Variants in LRRC7 observed in about 807,000 individuals in gnomAD.
LRRC7 encodes leucine-rich repeat-containing protein 7.
In LRRC7, 23 loss-of-function variants were observed where a neutral mutation model predicts 175.7. The observed-to-expected ratio is 0.13, with a 90% CI of 0.09 to 0.19. The LOEUF is 0.19. Among genes scored for constraint, LRRC7 ranks in the 10% least tolerant of loss-of-function variants. LRRC7 has a pLI of 1.00. For missense variants in LRRC7, 1,354 were observed against 1,904.7 expected, an observed-to-expected ratio of 0.71 and a Z score of 5.38; for synonymous variants, 685 against 680.9, an observed-to-expected ratio of 1.01 and a Z score of -0.09.
At chr1:69,835,885 ACT>A (rs10537069) in intron 6 of LRRC7, among the ~76,000 whole-genome samples, 2,898 of 151,992 alleles carry the variant, frequency 0.019, 88 homozygotes, top group African/African-American at 0.067. Context: ...TATGAATATG[ACT>A]CTGTAAGAAA....
intron 7 of LRRC7, among the ~76,000 whole-genome samples, chr1:69,863,902 G>T (rs1485659265): frequency 4.6e-5 from 7 of 152,042 alleles, no homozygotes; most frequent in African/African-American, 1.7e-4. Flanking sequence ...CACTCCTTAA[G>T]ATAATGGCCC....
chr1:70,047,839 C>G (rs766739432), intron 22 of LRRC7, among the ~76,000 whole-genome samples: 2 of 151,700 alleles, frequency 1.3e-5, no homozygotes, highest in Non-Finnish European at 2.9e-5. Context: ...ATTTAATTTC[C>G]TTAATATATT....
At chr1:69,627,606 T>C (rs1651808201) in intron 1 of LRRC7, among the ~76,000 whole-genome samples, 1 of 152,142 alleles carries the variant, frequency 6.6e-6, no homozygotes, top group Non-Finnish European at 1.5e-5. Context: ...ATTTTGACTT[T>C]TTTTGCCATT....
intron 8 of LRRC7, among the ~76,000 whole-genome samples, chr1:69,943,739 A>G (rs1206627312): frequency 1.3e-5 from 2 of 152,066 alleles, no homozygotes; most frequent in Non-Finnish European, 1.5e-5. Context: ...TTTAAAGCTT[A>G]AGCTTCATTA....
intron 8 of LRRC7, among the ~76,000 whole-genome samples, chr1:69,936,070 A>G (rs1046922297): frequency 4.6e-5 from 7 of 152,136 alleles, no homozygotes; most frequent in African/African-American, 1.7e-4. Flanking sequence ...TTCCACATGG[A>G]TATGAGTATC....
At position 70,141,368 on chromosome 1, in the gene LRRC7, T is replaced by G. The variant is rs777969356; in HGVS notation, c.*19481T>G. 1 of 152,146 alleles carries G rather than the reference T, an allele frequency of 6.6e-6. No individual in the cohort carries two copies. The highest frequency in any genetic ancestry group is 6.6e-5 in the Admixed American group (1 of 15,262). The allele number at this position is 152,146 out of a possible 1,614,324, so 9.4% of individuals were successfully genotyped here. ...TTGGCCCAACTCTGTCTACAAATAC[T>G]TTTGCAAATAATGTTTCTCTTAATA... is the stretch of plus-strand genomic sequence containing the variant. On this transcript the variant is annotated 3_prime_UTR_variant, in exon 27 of 27. Coordinates refer to ENST00000651989, the MANE Select transcript of LRRC7 (RefSeq NM_001370785.2).
intron 7 of LRRC7, among the ~76,000 whole-genome samples, chr1:69,924,020 T>G (rs1646976598): frequency 6.6e-6 from 1 of 152,174 alleles, no homozygotes; most frequent in Admixed American, 6.5e-5. Flanking sequence ...TTTCTACATA[T>G]GGCTAGCCAG....
intron 7 of LRRC7, among the ~76,000 whole-genome samples, chr1:69,931,005 C>G (rs1647318787): frequency 6.6e-6 from 1 of 152,146 alleles, no homozygotes; most frequent in Admixed American, 6.5e-5. Flanking sequence ...AGTGTGACAA[C>G]TATTCATAGC....
At chr1:69,888,895 A>T (rs945835175) in intron 7 of LRRC7, among the ~76,000 whole-genome samples, 7 of 152,092 alleles carry the variant, frequency 4.6e-5, no homozygotes, top group African/African-American at 1.7e-4. Context: ...ATGCTAAGAG[A>T]GTGGATCTTA....
chr1:69,702,164 A>G (rs1436012454), intron 2 of LRRC7, among the ~76,000 whole-genome samples: 2 of 152,200 alleles, frequency 1.3e-5, no homozygotes, highest in African/African-American at 2.4e-5. Context: ...CCACATGCCC[A>G]GAGAATGAAT....
In LRRC7 at chr1:70,023,270, C is replaced by A; in HGVS notation, c.1690C>A (p.Leu564Met). 6.2e-7 allele frequency: 1 copy of A among 1,613,554 alleles called. No individual in the cohort carries two copies. Among genetic ancestry groups the A allele is most frequent in the East Asian group, 2.2e-5 (1 of 44,802 alleles). ...DMPVPQNDPQ[L>M]AWGCISGLQQ... ...GCCCGTCCCCCAGAATGACCCACAG[C>A]TGGCATGGGGTTGTATAAGTGGCCT... The change falls in exon 17 of 27, where the codon CTG becomes ATG. Residue 564 changes from leucine (L) to methionine (M), a missense_variant. Leu to Met is a conservative substitution (Grantham distance 15). This residue lies in a region of LRRC7 where 1,032 missense variants were observed against 1,227.2 expected (regional missense o/e 0.84). Transcript: ENST00000651989.
intron 7 of LRRC7, among the ~76,000 whole-genome samples, chr1:69,894,923 G>T (rs1241971911): frequency 1.3e-5 from 2 of 152,134 alleles, no homozygotes; most frequent in African/African-American, 2.4e-5. Flanking sequence ...CAACAATAAG[G>T]TATTGTGTAC....
chr1:69,908,362 C>A (rs996977693), intron 7 of LRRC7, among the ~76,000 whole-genome samples: 1 of 151,726 alleles, frequency 6.6e-6, no homozygotes, highest in Non-Finnish European at 1.5e-5. Flanking sequence ...GTTAGGGTGT[C>A]AATTTTGGAT....
At chr1:69,626,436 G>A (rs115723239) in intron 1 of LRRC7, among the ~76,000 whole-genome samples, 2,215 of 150,940 alleles carry the variant, frequency 0.015, 58 homozygotes, top group African/African-American at 0.051. Flanking sequence ...TCAGTTAGAA[G>A]GGTTGGTCTG....
Position 70,135,828 on chromosome 1 carries a change from G to A in LRRC7, c.*13941G>A, listed in dbSNP as rs1333363917. Among the ~76,000 whole-genome samples, 2 of 152,092 alleles carry A rather than the reference G, an allele frequency of 1.3e-5. No homozygotes were observed. The highest frequency in any genetic ancestry group is 2.9e-5 in the Non-Finnish European group (2 of 68,012). ...CAGCCATCTTTGATAGCCAGTTTTG[G>A]GATATAAATCTTCAGCCATACTTGT... On this transcript the variant is annotated 3_prime_UTR_variant, in exon 27 of 27. Coordinates refer to ENST00000651989, the MANE Select transcript of LRRC7 (RefSeq NM_001370785.2).
At chr1:69,994,540 C>G in intron 10 of LRRC7, 21 bp from the exon 11 acceptor site, 1 of 1,524,542 alleles carries the variant, frequency 6.6e-7, no homozygotes, top group Non-Finnish European at 9.1e-7. Flanking sequence ...ATGTATTAAT[C>G]AACCTTCTTC....
At chr1:69,778,947 TACAC>T (rs777188329) in intron 3 of LRRC7, among the ~76,000 whole-genome samples, 117 of 136,496 alleles carry the variant, frequency 8.6e-4, no homozygotes, top group African/African-American at 2.4e-3. Context: ...TACACATATA[TACAC>T]ACACACAAAC....
intron 7 of LRRC7, among the ~76,000 whole-genome samples, chr1:69,886,982 G>C (rs1219758166): frequency 6.6e-6 from 1 of 151,882 alleles, no homozygotes; most frequent in Non-Finnish European, 1.5e-5. Flanking sequence ...TCTGCCGAGA[G>C]ATCCGCTGTT....
rs1469267825 is a variant in LRRC7, at chr1:69,908,322, T to C, written c.648-23185T>C. On this transcript the variant is annotated intron_variant, in intron 7 of 26. Coordinates refer to ENST00000651989, the MANE Select transcript of LRRC7 (RefSeq NM_001370785.2). ...TCTGCTAGCTTTTGAATGTGTTTGC[T>C]CTTGCTTTTCTAGTTCTTTTAATTG... Among the ~76,000 whole-genome samples the C allele has an allele frequency of 2.6e-5, 4 of 152,136 alleles. No individual in the cohort carries two copies. The East Asian group carries it at 7.7e-4, about 29-fold the overall frequency.
Sources: gnomAD v4.1 joint callset for allele counts (sites outside exome capture counted in the v4.1 genomes callset) on GRCh38, gnomAD v4.1.1 for gene constraint, gnomAD v4.1.1 regional missense constraint, MANE v1.5 for transcripts, NCBI Gene and HGNC (gene_info 2026-07-23, HGNC 2026-07-21) for gene names.